UNC5D: variants seen among roughly 807,000 people sequenced by gnomAD.
The protein encoded by UNC5D is netrin receptor UNC5D.
In UNC5D, 39 loss-of-function variants were observed where a neutral mutation model predicts 105.4. The observed-to-expected ratio is 0.37, with a 90% CI of 0.29 to 0.48. The LOEUF (loss-of-function observed/expected upper bound fraction) is 0.48. Ranked by LOEUF, UNC5D falls within the 20% of genes least tolerant of loss-of-function variation. The pLI is 0.98. For synonymous variants in UNC5D, 452 were observed against 450.4 expected (o/e 1.00, Z -0.04); for missense variants, 991 against 1,202.4 (o/e 0.82, Z 2.60).
chr8:35,455,658 G>A (rs1018068729), intron 1 of UNC5D, among the ~76,000 whole-genome samples: 1 of 150,266 alleles, frequency 6.7e-6, no homozygotes, highest in African/African-American at 2.5e-5. Context: ...CTGAGACTGG[G>A]TAATCTATTA....
intron 1 of UNC5D, among the ~76,000 whole-genome samples, chr8:35,245,167 A>C (rs1803014772): frequency 6.6e-6 from 1 of 152,126 alleles, no homozygotes; most frequent in Non-Finnish European, 1.5e-5. Context: ...GTCCAGTTGT[A>C]AAGCGAAATT....
chr8:35,400,233 T>C (rs748456570), intron 1 of UNC5D, among the ~76,000 whole-genome samples: 1 of 152,126 alleles, frequency 6.6e-6, no homozygotes, highest in Non-Finnish European at 1.5e-5. Context: ...TCCTTTTTTT[T>C]TTAACGGAAA....
intron 4 of UNC5D, among the ~76,000 whole-genome samples, chr8:35,657,832 T>C (rs1353594755): frequency 6.6e-6 from 1 of 152,208 alleles, no homozygotes; most frequent in Non-Finnish European, 1.5e-5. Flanking sequence ...CAAATATCTA[T>C]ACATTTGACA....
Position 35,669,464 on chromosome 8 carries a change from G to A in UNC5D, c.571-14083G>A, listed in dbSNP as rs372928180. 3.3e-4 allele frequency among the ~76,000 whole-genome samples: 50 copies of A among 152,130 alleles called. 1 individual carries two copies. Among genetic ancestry groups the A allele is most frequent in the African/African-American group, 1.0e-3 (43 of 41,500 alleles). On this transcript the variant is annotated intron_variant, in intron 4 of 16. Coordinates refer to ENST00000404895, the MANE Select transcript of UNC5D (RefSeq NM_080872.4). Reference sequence around the variant, plus strand: ...ATATGGGTGCCAAATTTTGATGCCCGTCTCCTTAAATCTAATAGCAAGTCG... The same window carrying A: ...ATATGGGTGCCAAATTTTGATGCCCATCTCCTTAAATCTAATAGCAAGTCG...
intron 1 of UNC5D, among the ~76,000 whole-genome samples, chr8:35,264,198 C>A (rs898812093): frequency 2.0e-5 from 3 of 152,176 alleles, no homozygotes; most frequent in Admixed American, 6.5e-5. Context: ...AAAATTGTAG[C>A]TTATCAATTC....
chr8:35,490,440 C>T (rs1811135995), intron 1 of UNC5D, among the ~76,000 whole-genome samples: 1 of 152,134 alleles, frequency 6.6e-6, no homozygotes, highest in Non-Finnish European at 1.5e-5. Context: ...AGGCTGATCA[C>T]TTGAGCCCAG....
chr8:35,429,012 A>G (rs1806443965), intron 1 of UNC5D, among the ~76,000 whole-genome samples: 1 of 152,192 alleles, frequency 6.6e-6, no homozygotes, highest in Non-Finnish European at 1.5e-5. Flanking sequence ...ATCTCTTAAA[A>G]GACTTTGTCC....
intron 1 of UNC5D, among the ~76,000 whole-genome samples, chr8:35,237,031 AG>A (rs1802515727): frequency 6.6e-6 from 1 of 152,150 alleles, no homozygotes; most frequent in Admixed American, 6.5e-5. Context: ...CGATCACAAA[AG>A]AACCAATGTT....
intron 1 of UNC5D, among the ~76,000 whole-genome samples, chr8:35,455,357 C>A (rs1043363131): frequency 6.6e-6 from 1 of 151,532 alleles, no homozygotes; most frequent in African/African-American, 2.4e-5. Context: ...CGGCTCACTG[C>A]AGCCTCCGCC....
At chr8:35,439,992 A>G (rs1167128466) in intron 1 of UNC5D, among the ~76,000 whole-genome samples, 1 of 152,022 alleles carries the variant, frequency 6.6e-6, no homozygotes, top group East Asian at 1.9e-4. Context: ...CTATATAGAG[A>G]TGTAAAGGTC....
chr8:35,357,696 G>A (rs1801638620), intron 1 of UNC5D, among the ~76,000 whole-genome samples: 1 of 152,154 alleles, frequency 6.6e-6, no homozygotes, highest in African/African-American at 2.4e-5. Flanking sequence ...CTAGAACGGT[G>A]CCTGGTAAAT....
At chr8:35,520,780 A>T (rs991107526) in intron 1 of UNC5D, among the ~76,000 whole-genome samples, 1 of 152,120 alleles carries the variant, frequency 6.6e-6, no homozygotes, top group African/African-American at 2.4e-5. Flanking sequence ...ATTAAGTTTC[A>T]CATGAGGTTC....
chr8:35,432,237 T>C (rs1186096211), intron 1 of UNC5D, among the ~76,000 whole-genome samples: 1 of 152,190 alleles, frequency 6.6e-6, no homozygotes, highest in African/African-American at 2.4e-5. Flanking sequence ...GGAAAATATT[T>C]AAAATAGCAT....
At chr8:35,678,157 G>A (rs1825397240) in intron 4 of UNC5D, among the ~76,000 whole-genome samples, 1 of 152,132 alleles carries the variant, frequency 6.6e-6, no homozygotes, top group Admixed American at 6.6e-5. Flanking sequence ...CACAAGTTGT[G>A]CACCAAGCAT....
chr8:35,621,637 A>T (rs954131313), intron 4 of UNC5D, among the ~76,000 whole-genome samples: 2 of 152,188 alleles, frequency 1.3e-5, no homozygotes, highest in African/African-American at 4.8e-5. Context: ...GCTTCTCATT[A>T]AAAAAATGAA....
intron 1 of UNC5D, among the ~76,000 whole-genome samples, chr8:35,544,956 C>T (rs986681781): frequency 8.5e-5 from 13 of 152,112 alleles, no homozygotes; most frequent in Admixed American, 3.9e-4. Context: ...CTTCTGTTTA[C>T]GACTCATGTG....
At chr8:35,733,115 G>A (rs920393741) in intron 11 of UNC5D, among the ~76,000 whole-genome samples, 5 of 152,004 alleles carry the variant, frequency 3.3e-5, no homozygotes, top group Non-Finnish European at 5.9e-5. Flanking sequence ...ACAGGAAGCC[G>A]CACATTCCTT....
intron 1 of UNC5D, among the ~76,000 whole-genome samples, chr8:35,324,255 GTGATGAGTCAT>G (rs1430699509): frequency 1.3e-5 from 1 of 77,950 alleles, no homozygotes; most frequent in East Asian, 3.5e-4. Flanking sequence ...AAAAAAAAAA[GTGATGAGTCAT>G]TGATGAGTCA....
intron 3 of UNC5D, among the ~76,000 whole-genome samples, chr8:35,572,727 C>G (rs1391523419): frequency 6.6e-6 from 1 of 151,984 alleles, no homozygotes; most frequent in East Asian, 1.9e-4. Flanking sequence ...GCAAATCAAC[C>G]AGGATGCTAT....
Sources: allele counts gnomAD v4.1 joint callset (sites outside exome capture counted in the v4.1 genomes callset), GRCh38; gene constraint gnomAD v4.1.1; transcripts MANE v1.5; gene names NCBI Gene and HGNC (gene_info 2026-07-23, HGNC 2026-07-21).